Variants in DAPK1 observed in about 807,000 individuals in gnomAD.
DAPK1 encodes the protein death associated protein kinase 1.
In DAPK1, 56 loss-of-function variants were observed where a neutral mutation model predicts 144.9. The observed-to-expected ratio is 0.39, with a 90% CI of 0.31 to 0.48. The LOEUF (loss-of-function observed/expected upper bound fraction) is 0.48, where lower values mean the gene tolerates loss of function less well. Ranked by LOEUF, DAPK1 falls within the 20% of genes least tolerant of loss-of-function variation. DAPK1 has a pLI of 0.95. For missense variants in DAPK1, 1,454 were observed against 1,875.4 expected, an observed-to-expected ratio of 0.78 and a Z score of 4.15; for synonymous variants, 690 against 749.0, an observed-to-expected ratio of 0.92 and a Z score of 1.29.
rs779305769 is a variant in DAPK1, at chr9:87,703,031, C to G, written c.2874C>G (p.Val958=). ...LQEIRSQIVS[V]CPPMTHLCEK... ...CTGTCTGGCCCTGCCCCCTCTAGGT[C>G]TGTCCTCCCATGACTCACCTGTGTG... The change falls in exon 25 of 26, where the codon GTC becomes GTG. Residue 958 remains valine (V), a splice_region_variant and synonymous_variant. Transcript: ENST00000408954. The G allele has an allele frequency of 4.4e-5, 68 of 1,550,436 alleles. No individual in the cohort carries two copies. Among genetic ancestry groups the G allele is most frequent in the Non-Finnish European group, 6.0e-5 (67 of 1,122,300 alleles).
At chr9:87,691,313 A>G (rs1825046503) in intron 21 of DAPK1, among the ~76,000 whole-genome samples, 1 of 151,906 alleles carries the variant, frequency 6.6e-6, no homozygotes, top group Non-Finnish European at 1.5e-5. Flanking sequence ...GATCTTTGGT[A>G]TTTTTGTGGC....
intron 3 of DAPK1, among the ~76,000 whole-genome samples, chr9:87,610,072 A>G (rs1051135512): frequency 1.6e-4 from 25 of 152,206 alleles, no homozygotes; most frequent in African/African-American, 6.0e-4. Flanking sequence ...TGGGATCTGC[A>G]TTAATGGTGC....
chr9:87,668,931 T>A (rs2119278196), intron 19 of DAPK1: 1 of 438,064 alleles, frequency 2.3e-6, no homozygotes, highest in East Asian at 4.3e-5. Context: ...TCCCACTCTC[T>A]CTATAATAAA....
intron 21 of DAPK1, among the ~76,000 whole-genome samples, chr9:87,694,490 G>A (rs940837409): frequency 1.3e-5 from 2 of 152,228 alleles, no homozygotes; most frequent in African/African-American, 4.8e-5. Flanking sequence ...CAGGGAGGCA[G>A]TGGCTGCACT....
chr9:87,706,941 C>G lies in DAPK1; in HGVS notation c.3870C>G (p.Val1290=). 6.2e-7 allele frequency: 1 copy of G among 1,613,584 alleles called. No homozygotes were observed. Among genetic ancestry groups the G allele is most frequent in the South Asian group, 1.1e-5 (1 of 91,018 alleles). ...TCATGTGCTTCGGGTGTCACGACGT[C>G]TACTCACAGGCCAGCCTCGGCATGG... ...SSIMCFGCHD[V]YSQASLGMDI... is the part of the protein sequence containing the mutation. Residue 1290 remains valine, a synonymous_variant, in exon 26 of 26, where the codon GTC becomes GTG. Coordinates refer to ENST00000408954, the MANE Select transcript of DAPK1 (RefSeq NM_004938.4). The surrounding 1 kb of genome is among the most constrained non-coding windows in gnomAD (Gnocchi z 9.0).
intron 2 of DAPK1, among the ~76,000 whole-genome samples, chr9:87,505,330 T>C (rs1268691356): frequency 6.6e-6 from 1 of 152,240 alleles, no homozygotes; most frequent in East Asian, 1.9e-4. Context: ...GGGAGTGGTT[T>C]CCATTGGGGA....
intron 2 of DAPK1, among the ~76,000 whole-genome samples, chr9:87,534,056 A>T (rs369866434): frequency 6.6e-6 from 1 of 151,334 alleles, no homozygotes; most frequent in African/African-American, 2.4e-5. Flanking sequence ...TTTTAAAAAC[A>T]CTTTTCTTAG....
chr9:87,629,236 C>T (rs780681433), intron 3 of DAPK1, among the ~76,000 whole-genome samples: 3 of 152,106 alleles, frequency 2.0e-5, no homozygotes, highest in African/African-American at 4.8e-5. Flanking sequence ...GTGTGGAGGG[C>T]GGTCTACAGG....
At chr9:87,609,491 T>G (rs1828851405) in intron 3 of DAPK1, among the ~76,000 whole-genome samples, 1 of 152,190 alleles carries the variant, frequency 6.6e-6, no homozygotes, top group Admixed American at 6.5e-5. Context: ...GTGTTATAAT[T>G]TTTTTTCTTT....
Position 87,605,055 on chromosome 9 carries a change from G to C in DAPK1, c.164G>C (p.Gly55Ala). The C allele has an allele frequency of 6.2e-7, 1 of 1,614,236 alleles. No homozygotes were observed. The highest frequency in any genetic ancestry group is 8.5e-7 in the Non-Finnish European group (1 of 1,180,044). ...KKRRTKSSRR[G>A]VSREDIEREV... Reference sequence around the variant, plus strand: ...AGGAGGACTAAGTCCAGCCGGCGGGGTGTGAGCCGCGAGGACATCGAGCGG... The same window carrying C: ...AGGAGGACTAAGTCCAGCCGGCGGGCTGTGAGCCGCGAGGACATCGAGCGG... Residue 55 changes from glycine to alanine, a missense_variant, in exon 3 of 26, where the codon GGT becomes GCT. Physicochemically the swap from Gly to Ala is moderately conservative, Grantham distance 60. Around this residue, in one of 2 missense-constraint regions of DAPK1, gnomAD observed 429 missense variants for 637.5 expected, o/e 0.67. Transcript: ENST00000408954.
chr9:87,644,681 A>G (rs943229371), intron 11 of DAPK1, among the ~76,000 whole-genome samples: 2 of 152,232 alleles, frequency 1.3e-5, no homozygotes, highest in Non-Finnish European at 2.9e-5. Flanking sequence ...GAGAATGATT[A>G]AAGATTGCAA....
chr9:87,681,622 C>A lies in DAPK1; in HGVS notation c.2220C>A (p.Pro740=). Residue 740 remains proline (P), a synonymous_variant, in exon 20 of 26, where the codon CCC becomes CCA. Transcript: ENST00000408954. ...RFPPSPLASK[P]TVSVSINNLY... is the part of the protein sequence containing the mutation. Reference sequence around the variant, plus strand: ...CACCTTCACCCCTGGCTTCTAAGCCCACAGGTAGGAACCTCCATGCTGGCC... The same window carrying A: ...CACCTTCACCCCTGGCTTCTAAGCCAACAGGTAGGAACCTCCATGCTGGCC... 1 of 1,534,640 alleles carries A rather than the reference C, an allele frequency of 6.5e-7. No homozygotes were observed. Among genetic ancestry groups the A allele is most frequent in the Non-Finnish European group, 9.0e-7 (1 of 1,107,580 alleles).
At chr9:87,691,064 G>A (rs1207216025) in intron 21 of DAPK1, among the ~76,000 whole-genome samples, 1 of 151,928 alleles carries the variant, frequency 6.6e-6, no homozygotes, top group Non-Finnish European at 1.5e-5. Flanking sequence ...GAGAACTCCT[G>A]CCCCTTCAGT....
chr9:87,519,047 A>G (rs1182554594), intron 2 of DAPK1, among the ~76,000 whole-genome samples: 2 of 152,186 alleles, frequency 1.3e-5, no homozygotes, highest in Admixed American at 1.3e-4. Flanking sequence ...GTAACATCGG[A>G]CTGATAGGAG....
chr9:87,625,215 G>A (rs1028265982), intron 3 of DAPK1, among the ~76,000 whole-genome samples: 5 of 151,732 alleles, frequency 3.3e-5, no homozygotes, highest in Non-Finnish European at 5.9e-5. Flanking sequence ...GGTAGATCTC[G>A]GGTCGCTATA....
intron 24 of DAPK1, among the ~76,000 whole-genome samples, chr9:87,700,844 G>C (rs1267368844): frequency 6.6e-6 from 1 of 152,102 alleles, no homozygotes; most frequent in African/African-American, 2.4e-5. Flanking sequence ...ACTTATTGTG[G>C]AATATTTAGA....
chr9:87,558,971 T>C (rs181062818), intron 2 of DAPK1, among the ~76,000 whole-genome samples: 62 of 152,222 alleles, frequency 4.1e-4, no homozygotes, highest in African/African-American at 1.3e-3. Flanking sequence ...CTGTTCCCAC[T>C]CTGGGGGAGG....
intron 17 of DAPK1, among the ~76,000 whole-genome samples, chr9:87,656,370 C>T (rs899157814): frequency 9.9e-5 from 15 of 152,090 alleles, no homozygotes; most frequent in African/African-American, 3.1e-4. Flanking sequence ...CAACAGTGGC[C>T]GTTTCCTCTG....
At chr9:87,551,439 C>T (rs1378234883) in intron 2 of DAPK1, among the ~76,000 whole-genome samples, 1 of 152,182 alleles carries the variant, frequency 6.6e-6, no homozygotes, top group Non-Finnish European at 1.5e-5. Context: ...AGTCACCGTG[C>T]GCAGCCTGTT....
Sources: gnomAD v4.1 joint callset for allele counts (sites outside exome capture counted in the v4.1 genomes callset) on GRCh38, gnomAD v4.1.1 for gene constraint, gnomAD v4.1.1 regional missense constraint, Gnocchi (gnomAD v3.1) non-coding constraint, MANE v1.5 for transcripts, NCBI Gene and HGNC (gene_info 2026-07-23, HGNC 2026-07-21) for gene names.